The following EDNRB variants were observed in gnomAD, a reference collection of about 807,000 sequenced individuals.
EDNRB encodes Hirschsprung disease 2.
In EDNRB, 18 loss-of-function variants were observed where a neutral mutation model predicts 46.4. The ratio of observed to expected loss-of-function variants is 0.39; its 90% CI spans 0.27 to 0.57. The LOEUF (loss-of-function observed/expected upper bound fraction) is 0.57, where lower values mean the gene tolerates loss of function less well. Among genes scored for constraint, EDNRB ranks in the 20% least tolerant of loss-of-function variants. EDNRB has a pLI of 0.61. For missense variants in EDNRB, 434 were observed against 537.5 expected (o/e 0.81, Z 1.90); for synonymous variants, 213 against 204.9 (o/e 1.04, Z -0.34).
upstream of EDNRB, among the ~76,000 whole-genome samples, chr13:77,923,778 C>CTT (rs10709405): frequency 9.3e-5 from 13 of 140,250 alleles, no homozygotes; most frequent in African/African-American, 2.6e-4. Context: ...AAGAGAGGTA[C>CTT]TTTTTTTTTT....
chr13:77,914,085 AC>A (rs1879701406), intron 1 of EDNRB, among the ~76,000 whole-genome samples: 1 of 152,260 alleles, frequency 6.6e-6, no homozygotes, highest in Non-Finnish European at 1.5e-5. Context: ...AGTGATTAAT[AC>A]CAAGAGTACA....
chr13:77,923,953 CT>C (rs1880160353), upstream of EDNRB, among the ~76,000 whole-genome samples: 1 of 152,004 alleles, frequency 6.6e-6, no homozygotes, highest in African/African-American at 2.4e-5. Context: ...TTATTAAGCT[CT>C]GGTAATGGAA....
upstream of EDNRB, chr13:77,918,905 A>G: frequency 3.3e-6 from 4 of 1,228,000 alleles, no homozygotes; most frequent in Non-Finnish European, 4.1e-6. This position sits in a 1 kb window ranked among gnomAD's most constrained non-coding sequence, Gnocchi z 4.5. Context: ...CCAGGGAGGG[A>G]ATGATGGGGG....
chr13:77,898,321 C>A lies in EDNRB; in HGVS notation c.1208G>T (p.Cys403Phe). ...FKNCFKSCLC[C>F]WCQSFEEKQS... ...TTTTTCTTCAAATGACTGGCACCAG[C>A]AGCATAAGCATGACTGTACAAAACA... Residue 403 changes from cysteine (C) to phenylalanine (F), a missense_variant, in exon 7 of 7, where the codon TGC becomes TTC. Transcript: ENST00000646607. 1 of 1,611,966 alleles carries A rather than the reference C, an allele frequency of 6.2e-7. No individual in the cohort carries two copies. Among genetic ancestry groups the A allele is most frequent in the Non-Finnish European group, 8.5e-7 (1 of 1,178,706 alleles).
At chr13:77,935,090 T>C (rs1190084626) in intron 1 of EDNRB, among the ~76,000 whole-genome samples, 1 of 151,890 alleles carries the variant, frequency 6.6e-6, no homozygotes, top group Non-Finnish European at 1.5e-5. Context: ...AGAAAGTATA[T>C]GTGTCAGGTG....
intron 1 of EDNRB, among the ~76,000 whole-genome samples, chr13:77,942,548 C>T (rs1164844086): frequency 6.6e-6 from 1 of 152,084 alleles, no homozygotes; most frequent in African/African-American, 2.4e-5. Context: ...TCTTAGATTG[C>T]ATCACATTGC....
At chr13:77,902,730 C>T (rs1277863546) in intron 3 of EDNRB, among the ~76,000 whole-genome samples, 1 of 151,946 alleles carries the variant, frequency 6.6e-6, no homozygotes, top group Admixed American at 6.6e-5. Context: ...GGGATAACAC[C>T]CCCTTCCCCT....
chr13:77,917,454 G>C (rs1219670248), intron 1 of EDNRB, among the ~76,000 whole-genome samples: 1 of 152,164 alleles, frequency 6.6e-6, no homozygotes, highest in African/African-American at 2.4e-5. Context: ...CTTTGTACCT[G>C]CTACTTTCAA....
intron 1 of EDNRB, among the ~76,000 whole-genome samples, chr13:77,928,297 T>C (rs1880296165): frequency 6.6e-6 from 1 of 152,216 alleles, no homozygotes; most frequent in South Asian, 2.1e-4. Flanking sequence ...GCTGTACTGT[T>C]AACCACTGTC....
At chr13:77,913,340 C>T (rs1451635506) in intron 1 of EDNRB, among the ~76,000 whole-genome samples, 1 of 152,112 alleles carries the variant, frequency 6.6e-6, no homozygotes, top group East Asian at 1.9e-4. Flanking sequence ...CTCTTTGCCT[C>T]TAATAGTAGC....
rs573729208 is a variant in EDNRB at position 77,906,091 on chromosome 13, C to T, written c.484-2484G>A. 8.6e-5 allele frequency among the ~76,000 whole-genome samples: 13 copies of T among 151,984 alleles called. No homozygotes were observed. The South Asian group carries it at 2.5e-3, about 29-fold the overall frequency. On this transcript the variant is annotated intron_variant, in intron 1 of 6. Transcript: ENST00000646607. ...GAGGCTGTGAAGAGCGGGTTATAGG[C>T]TGTATATATTTTAAGGGTAGAGGTA...
chr13:77,943,502 G>A (rs1406574870), intron 1 of EDNRB, among the ~76,000 whole-genome samples: 2 of 151,978 alleles, frequency 1.3e-5, no homozygotes, highest in Non-Finnish European at 2.9e-5. Context: ...TAAGCATCCC[G>A]TAAGTACTAC....
chr13:77,974,691 A>G (rs1162316370), intron 1 of EDNRB, among the ~76,000 whole-genome samples: 1 of 151,830 alleles, frequency 6.6e-6, no homozygotes, highest in Non-Finnish European at 1.5e-5. Context: ...GGGATCTAAA[A>G]CCAGCAGTAA....
intron 1 of EDNRB, among the ~76,000 whole-genome samples, chr13:77,912,708 C>T (rs564331422): frequency 1.6e-4 from 25 of 152,182 alleles, no homozygotes; most frequent in Non-Finnish European, 2.9e-4. Flanking sequence ...TTAATTAACA[C>T]GTTTTAAAAG....
chr13:77,959,339 G>A (rs1434268518), intron 1 of EDNRB, among the ~76,000 whole-genome samples: 3 of 152,182 alleles, frequency 2.0e-5, no homozygotes, highest in East Asian at 1.9e-4. Context: ...CCTCTGAGAC[G>A]AAGCTTCCAG....
chr13:77,901,717 A>G (rs1293559714), intron 3 of EDNRB, among the ~76,000 whole-genome samples: 1 of 151,936 alleles, frequency 6.6e-6, no homozygotes, highest in African/African-American at 2.4e-5. Context: ...CTTATGTCGT[A>G]TCTCTTATTC....
chr13:77,902,940 C>G (rs1474981997), intron 3 of EDNRB, among the ~76,000 whole-genome samples: 1 of 151,932 alleles, frequency 6.6e-6, no homozygotes, highest in African/African-American at 2.4e-5. Flanking sequence ...ATCTATGCCA[C>G]TGAGATCAAG....
At chr13:77,939,653 A>T (rs1219081293) in intron 1 of EDNRB, 1 of 152,182 alleles carries the variant, frequency 6.6e-6, no homozygotes, top group Non-Finnish European at 1.5e-5. Flanking sequence ...AAAATATCTG[A>T]TTCTCTTTCC....
In EDNRB at chr13:77,953,368, A is replaced by T. The variant is rs1022316245; in HGVS notation, c.-52+21979T>A. Among the ~76,000 whole-genome samples the T allele has an allele frequency of 4.0e-5, 6 of 150,928 alleles. No individual in the cohort carries two copies. In the South Asian group the frequency reaches 1.0e-3, roughly 26 times the overall value. ...TTTGTATTTTTAAAGATTAAAATATAAATATATATATATATCTTTTATTTT... is the reference window on the plus strand; with the variant it reads ...TTTGTATTTTTAAAGATTAAAATATTAATATATATATATATCTTTTATTTT... On this transcript the variant is annotated intron_variant, in intron 1 of 7. Coordinates refer to the EDNRB transcript ENST00000646948.
Sources: allele counts gnomAD v4.1 joint callset (sites outside exome capture counted in the v4.1 genomes callset), GRCh38; gene constraint gnomAD v4.1.1; non-coding constraint Gnocchi (gnomAD v3.1); transcripts MANE v1.5; gene names NCBI Gene and HGNC (gene_info 2026-07-23, HGNC 2026-07-21).